GRIP1: variants seen among roughly 807,000 people sequenced by gnomAD.
The protein encoded by GRIP1 is glutamate receptor-interacting protein 1.
Under a neutral mutation model 129.9 loss-of-function variants are expected in GRIP1, and 45 were observed. That is an observed-to-expected ratio of 0.35 (90% CI 0.27 to 0.44). The LOEUF is 0.44. Ranked by LOEUF, GRIP1 falls within the 20% of genes least tolerant of loss-of-function variation. The pLI is 1.00. For missense variants in GRIP1, 1,196 were observed against 1,396.8 expected (o/e 0.86, Z 2.29); for synonymous variants, 530 against 520.8 (o/e 1.02, Z -0.24).
chr12:66,601,736 CCA>C (rs1374093134), intron 1 of GRIP1, among the ~76,000 whole-genome samples: 1 of 152,166 alleles, frequency 6.6e-6, no homozygotes, highest in Non-Finnish European at 1.5e-5. Flanking sequence ...GCAGGGCATG[CCA>C]CAGTGTTCAT....
intron 2 of GRIP1, among the ~76,000 whole-genome samples, chr12:66,572,160 C>T (rs1160861462): frequency 6.6e-6 from 1 of 152,134 alleles, no homozygotes; most frequent in African/African-American, 2.4e-5. Flanking sequence ...AGCGGAGGCA[C>T]ATGAACGAAC....
intron 19 of GRIP1, among the ~76,000 whole-genome samples, chr12:66,382,759 T>C (rs544793744): frequency 6.6e-6 from 1 of 152,290 alleles, no homozygotes; most frequent in African/African-American, 2.4e-5. Flanking sequence ...GAAATAAAAC[T>C]GATTCCTGTC....
intron 1 of GRIP1, among the ~76,000 whole-genome samples, chr12:66,914,365 T>C (rs1209548510): frequency 1.3e-5 from 2 of 152,124 alleles, no homozygotes; most frequent in African/African-American, 4.8e-5. Context: ...ATTCAGGTTG[T>C]CTAGAAAAAA....
intron 1 of GRIP1, among the ~76,000 whole-genome samples, chr12:66,787,064 T>G (rs1227541391): frequency 6.6e-6 from 1 of 152,046 alleles, no homozygotes; most frequent in Non-Finnish European, 1.5e-5. Flanking sequence ...AGGTTTAAAT[T>G]TACGCACAAG....
intron 14 of GRIP1, among the ~76,000 whole-genome samples, chr12:66,424,258 T>C (rs1308672845): frequency 6.6e-6 from 1 of 152,218 alleles, no homozygotes; most frequent in East Asian, 1.9e-4. Flanking sequence ...CCTATAGATA[T>C]ACATTCTTGG....
chr12:66,671,559 A>G (rs1303966408), intron 1 of GRIP1, among the ~76,000 whole-genome samples: 1 of 152,122 alleles, frequency 6.6e-6, no homozygotes, highest in Non-Finnish European at 1.5e-5. Flanking sequence ...TTCTTAAAAG[A>G]GTGGTCTGCC....
intron 2 of GRIP1, among the ~76,000 whole-genome samples, chr12:66,548,701 C>T (rs2062026261): frequency 6.6e-6 from 1 of 152,058 alleles, no homozygotes; most frequent in Admixed American, 6.6e-5. Flanking sequence ...TCAAAAAGGC[C>T]CCAAGGTTTC....
chr12:66,414,970 A>AAAATG (rs2057541136), intron 15 of GRIP1, among the ~76,000 whole-genome samples: 1 of 139,288 alleles, frequency 7.2e-6, no homozygotes, highest in Non-Finnish European at 1.6e-5. Flanking sequence ...AAAATAAAAT[A>AAAATG]AAATAAAATA....
intron 1 of GRIP1, among the ~76,000 whole-genome samples, chr12:66,726,374 TA>T (rs1174070808): frequency 6.6e-6 from 1 of 152,196 alleles, no homozygotes; most frequent in African/African-American, 2.4e-5. Flanking sequence ...ATGAGTTGGA[TA>T]AATATATTGA....
chr12:66,659,125 A>G (rs899518455), intron 1 of GRIP1, among the ~76,000 whole-genome samples: 1 of 152,082 alleles, frequency 6.6e-6, no homozygotes, highest in South Asian at 2.1e-4. Context: ...ACTCTACCCT[A>G]GATAGTCATG....
chr12:66,420,600 C>G (rs1592823645), intron 15 of GRIP1, 120 bp downstream of exon 15: 4 of 722,398 alleles, frequency 5.5e-6, no homozygotes, highest in African/African-American at 1.7e-5. Context: ...ATAGTGGCTG[C>G]TTGGAAGTTT....
chr12:66,562,802 T>G (rs1197396515), intron 2 of GRIP1, among the ~76,000 whole-genome samples: 2 of 152,208 alleles, frequency 1.3e-5, no homozygotes, highest in African/African-American at 4.8e-5. Context: ...ACTTAACTAT[T>G]AATAGCCTAC....
chr12:66,844,595 C>T (rs1183013535), intron 1 of GRIP1, among the ~76,000 whole-genome samples: 2 of 152,146 alleles, frequency 1.3e-5, no homozygotes, highest in Non-Finnish European at 2.9e-5. Context: ...TTCACAATTC[C>T]ACTTCTGGGT....
intron 23 of GRIP1, among the ~76,000 whole-genome samples, chr12:66,361,958 T>C (rs529512031): frequency 6.6e-6 from 1 of 152,024 alleles, no homozygotes; most frequent in African/African-American, 2.4e-5. Context: ...TCAGAAAGGA[T>C]GACAAGTTGC....
At chr12:66,800,354 T>G (rs1199174834) in intron 1 of GRIP1, among the ~76,000 whole-genome samples, 1 of 152,106 alleles carries the variant, frequency 6.6e-6, no homozygotes, top group Non-Finnish European at 1.5e-5. Context: ...CCACTCCTAA[T>G]TCCATACTAT....
chr12:66,932,866 A>C (rs1338928157), intron 1 of GRIP1, among the ~76,000 whole-genome samples: 1 of 152,028 alleles, frequency 6.6e-6, no homozygotes, highest in Non-Finnish European at 1.5e-5. Flanking sequence ...ACAGGGTTTC[A>C]CCATCTTGGC....
chr12:66,758,913 T>C (rs2037385021), intron 1 of GRIP1, among the ~76,000 whole-genome samples: 2 of 152,180 alleles, frequency 1.3e-5, no homozygotes, highest in Admixed American at 1.3e-4. Flanking sequence ...TCCTGGCTGC[T>C]TTCATGGGCT....
At chr12:66,451,383 G>GTTTGTTTTTTTTTTTTTTTTTTT (rs2058794233) in intron 11 of GRIP1, among the ~76,000 whole-genome samples, 2 of 42,650 alleles carry the variant, frequency 4.7e-5, no homozygotes, top group Non-Finnish European at 8.4e-5. Flanking sequence ...ATTATAATCT[G>GTTTGTTTTTTTTTTTTTTTTTTT]TTTTTTTTTT....
At chr12:67,065,919 T>C (rs1300289362) in intron 1 of GRIP1, among the ~76,000 whole-genome samples, 1 of 152,246 alleles carries the variant, frequency 6.6e-6, no homozygotes, top group Non-Finnish European at 1.5e-5. Context: ...GAAACATTTC[T>C]CTTCTCCTAA....
Sources: allele counts gnomAD v4.1 joint callset (sites outside exome capture counted in the v4.1 genomes callset), GRCh38; gene constraint gnomAD v4.1.1; transcripts MANE v1.5; gene names NCBI Gene and HGNC (gene_info 2026-07-23, HGNC 2026-07-21).